Variants in KIF1A observed in about 807,000 individuals in gnomAD.
The protein encoded by KIF1A is kinesin family member 1A.
Under a neutral mutation model 227.3 loss-of-function variants are expected in KIF1A, and 46 were observed. The ratio of observed to expected loss-of-function variants is 0.20; its 90% CI spans 0.16 to 0.26. KIF1A has a LOEUF of 0.26. Among genes scored for constraint, KIF1A ranks in the 10% least tolerant of loss-of-function variants. The probability of loss-of-function intolerance (pLI) is 1.00; values close to 1 mark genes in which losing one functional copy is unlikely to be tolerated. For synonymous variants in KIF1A, 1,022 were observed against 1,012.8 expected, an observed-to-expected ratio of 1.01 and a Z score of -0.17; for missense variants, 1,683 against 2,485.9, an observed-to-expected ratio of 0.68 and a Z score of 6.87.
intron 18 of KIF1A, 21 bp from the exon 19 acceptor site, chr2:240,767,042 C>T: frequency 1.3e-6 from 2 of 1,565,432 alleles, no homozygotes; most frequent in Non-Finnish European, 8.7e-7. Flanking sequence ...GGGGCACCAT[C>T]AGCACGGCAG....
chr2:240,773,002 A>G lies in KIF1A; in HGVS notation c.1180+112T>C, dbSNP rs976033610. ...GAGCGGTGTGGAGCTGCCACAGCCC[A>G]GGGTGCAGCCAGCAAAGTGGTGGCC... On this transcript the variant is annotated intron_variant, in intron 13 of 48. Coordinates refer to ENST00000498729, the MANE Select transcript of KIF1A (RefSeq NM_001244008.2). 1.6e-5 allele frequency: 19 copies of G among 1,186,482 alleles called. No individual in the cohort carries two copies. In the Admixed American group the frequency reaches 2.1e-4, roughly 13 times the overall value. 73.5% of individuals were successfully genotyped at this position (1,186,482 alleles called of 1,614,324 possible).
chr2:240,814,791 C>T (rs1459686805), intron 1 of KIF1A, among the ~76,000 whole-genome samples: 1 of 152,130 alleles, frequency 6.6e-6, no homozygotes, highest in African/African-American at 2.4e-5. Flanking sequence ...GTGATACATG[C>T]CCATAGTCCC....
In KIF1A at chr2:240,787,696, G is replaced by A. The variant is rs76245556; in HGVS notation, c.363+355C>T. On this transcript the variant is annotated intron_variant, in intron 4 of 48. Transcript: ENST00000498729. ...AGCAAATGAGGAGCTGCTGGGTCTGGTGTTTGGCCACCCCTGTCCTGAGCA... is the reference window on the plus strand; with the variant it reads ...AGCAAATGAGGAGCTGCTGGGTCTGATGTTTGGCCACCCCTGTCCTGAGCA... 5.8e-3 allele frequency among the ~76,000 whole-genome samples: 878 copies of A among 152,286 alleles called. 8 individuals are homozygous for A. The highest frequency in any genetic ancestry group is 0.01 in the Middle Eastern group (3 of 294).
In KIF1A at chr2:240,760,850, C is replaced by T; in HGVS notation, c.2266-7G>A. On this transcript the variant is annotated splice_polypyrimidine_tract_variant and splice_region_variant and intron_variant, in intron 24 of 48. Coordinates refer to ENST00000498729, the MANE Select transcript of KIF1A (RefSeq NM_001244008.2). The stretch of plus-strand genomic sequence containing the variant: ...GGACAAACTGGAATTGTACCTGTGA[C>T]AGGGGAAGATGACCACTCGTCAGCT... 11 of 1,604,586 alleles carry T rather than the reference C, an allele frequency of 6.9e-6. No individual in the cohort carries two copies. Among genetic ancestry groups the T allele is most frequent in the Non-Finnish European group, 9.3e-6 (11 of 1,176,638 alleles).
intron 5 of KIF1A, 87 bp from the exon 6 acceptor site, chr2:240,786,600 G>A (rs1368920485): frequency 2.3e-6 from 3 of 1,281,288 alleles, no homozygotes; most frequent in Non-Finnish European, 3.3e-6. Flanking sequence ...GGGGGTAGGG[G>A]TCAACATAAG....
rs1273573220 is a variant in KIF1A, at chr2:240,726,967, A to G, written c.4008-27T>C. The G allele has an allele frequency of 7.0e-7, 1 of 1,423,170 alleles. No homozygotes were observed. The highest frequency in any genetic ancestry group is 1.8e-5 in the Admixed American group (1 of 54,756). The allele number at this position is 1,423,170 out of a possible 1,614,324, so 88.2% of individuals were successfully genotyped here. A position where few individuals can be genotyped will look rare whatever the true frequency, so the allele number is the denominator to read the frequency against. ...TGAAAGGAAGCAGAGACAAAGTAGA[A>G]GTTGATGGCGTGGGGGCTGCTTTCA... On this transcript the variant is annotated intron_variant, in intron 38 of 48. Transcript: ENST00000498729. This position sits in a 1 kb window ranked among gnomAD's most constrained non-coding sequence, Gnocchi z 5.2.
chr2:240,779,718 TCACTCAGTTCCTCACAGTTCCA>T (rs1201138785), intron 10 of KIF1A, among the ~76,000 whole-genome samples: 6 of 148,810 alleles, frequency 4.0e-5, no homozygotes, highest in African/African-American at 1.3e-4. Flanking sequence ...TCACAGTTCC[TCACTCAGTTCCTCACAGTTCCA>T]CACTCAGTTC....
rs373042822 is a variant in KIF1A, at chr2:240,773,230, C to T, written c.1064G>A (p.Arg355His). Residue 355 changes from arginine to histidine, a missense_variant, in exon 13 of 49, where the codon CGC (arginine) becomes CAC (histidine). By Grantham distance (29) the Arg-to-His change is conservative (BLOSUM62 0). Around this residue, in one of 12 missense-constraint regions of KIF1A, gnomAD observed 15 missense variants for 78.3 expected, o/e 0.19. Coordinates refer to ENST00000498729, the MANE Select transcript of KIF1A (RefSeq NM_001244008.2). ...LRYADRAKQI[R>H]CNAVINEDPN... is the part of the protein sequence containing the mutation. Reference sequence around the variant, plus strand: ...GTCCTCATTGATGACAGCATTGCAGCGGATCTGCTTGGCCCGGTCAGCATA... The same window carrying T: ...GTCCTCATTGATGACAGCATTGCAGTGGATCTGCTTGGCCCGGTCAGCATA... The T allele has an allele frequency of 1.2e-4, 186 of 1,613,804 alleles. No homozygotes were observed. Among genetic ancestry groups the T allele is most frequent in the Middle Eastern group, 1.6e-4 (1 of 6,080 alleles).
chr2:240,814,166 G>A (rs2058154648), intron 1 of KIF1A, among the ~76,000 whole-genome samples: 1 of 152,008 alleles, frequency 6.6e-6, no homozygotes, highest in African/African-American at 2.4e-5. Context: ...CGAACAAATA[G>A]AAGTAGAGAC....
Position 240,792,772 on chromosome 2 carries a change from G to A in KIF1A, c.107-3460C>T, listed in dbSNP as rs113824335. On this transcript the variant is annotated intron_variant, in intron 2 of 48. Coordinates refer to ENST00000498729, the MANE Select transcript of KIF1A (RefSeq NM_001244008.2). The surrounding 1 kb of genome is among the most constrained non-coding windows in gnomAD (Gnocchi z 4.5). ...CCTTGTGAAGTGATGAGGATGAGAC[G>A]AAGCCACGAAGTCAGGGACCTCATG... Among the ~76,000 whole-genome samples, 271 of 152,260 alleles carry A rather than the reference G, an allele frequency of 1.8e-3. 2 individuals are homozygous for A. The highest frequency in any genetic ancestry group is 5.3e-3 in the African/African-American group (222 of 41,548).
chr2:240,761,502 G>C (rs2050525975), intron 23 of KIF1A, 125 bp from the exon 24 acceptor site: 1 of 825,940 alleles, frequency 1.2e-6, no homozygotes, highest in Non-Finnish European at 1.7e-6. Context: ...CCTGTGCTCT[G>C]TGTACATCAC....
intron 20 of KIF1A, among the ~76,000 whole-genome samples, chr2:240,763,955 C>T (rs745847840): frequency 2.3e-4 from 35 of 152,182 alleles, no homozygotes; most frequent in Non-Finnish European, 1.3e-4. Flanking sequence ...TCAGTCCAGC[C>T]CCTCCCACCC....
rs781227878 is a variant in KIF1A, at chr2:240,782,602, G to A, written c.870C>T (p.Ser290=). 1.7e-5 allele frequency: 26 copies of A among 1,552,396 alleles called. No individual in the cohort carries two copies. Among genetic ancestry groups the A allele is most frequent in the East Asian group, 4.9e-5 (2 of 41,148 alleles). The change falls in exon 10 of 49, where the codon TCC becomes TCT. Residue 290 remains serine, a synonymous_variant. Transcript: ENST00000498729. ...KVISALAEMD[S]GPNKNKKKKK... ...GGAAGCCGCTTACCTTGTTGGGTCC[G>A]GAGTCCTGAAAAGGAAAAGACAGAG...
At chr2:240,804,078 C>T (rs2057193213) in intron 1 of KIF1A, among the ~76,000 whole-genome samples, 1 of 152,134 alleles carries the variant, frequency 6.6e-6, no homozygotes, top group Admixed American at 6.5e-5. Context: ...CCAGCATGGC[C>T]AAGACGGTGA....
intron 38 of KIF1A, 31 bp downstream of exon 38, chr2:240,737,032 G>T (rs1429971243): frequency 6.5e-7 from 1 of 1,548,664 alleles, no homozygotes; most frequent in Admixed American, 1.7e-5. Flanking sequence ...AACATGCCCT[G>T]GGCCCTGTCT....
Position 240,769,682 on chromosome 2 carries a change from G to A in KIF1A, c.1366C>T (p.Leu456Phe). Residue 456 changes from leucine to phenylalanine, a missense_variant, in exon 16 of 49, where the codon CTC becomes TTC. Transcript: ENST00000498729. ...AGCTTCTCCTCCCAGGTCTCATTGA[G>A]CTCAGCTATGATCTTCTCTGTTTCC... ...LKETEKIIAE[L>F]NETWEEKLRR... 1.9e-6 allele frequency: 3 copies of A among 1,613,546 alleles called. No individual in the cohort carries two copies. Among genetic ancestry groups the A allele is most frequent in the Non-Finnish European group, 2.5e-6 (3 of 1,179,758 alleles).
chr2:240,756,792 C>T (rs558096664), intron 27 of KIF1A, among the ~76,000 whole-genome samples: 10 of 152,332 alleles, frequency 6.6e-5, no homozygotes, highest in South Asian at 4.1e-4. Flanking sequence ...TGAGAGCAGC[C>T]GGGAGCCTCT....
In KIF1A at chr2:240,740,393, G is replaced by A. The variant is rs189458613; in HGVS notation, c.3750-29C>T. 6.9e-6 allele frequency: 11 copies of A among 1,593,842 alleles called. No homozygotes were observed. Among genetic ancestry groups the A allele is most frequent in the South Asian group, 3.3e-5 (3 of 90,642 alleles). On this transcript the variant is annotated intron_variant, in intron 35 of 48. Coordinates refer to ENST00000498729, the MANE Select transcript of KIF1A (RefSeq NM_001244008.2). This position sits in a 1 kb window ranked among gnomAD's most constrained non-coding sequence, Gnocchi z 6.1. The stretch of plus-strand genomic sequence containing the variant: ...GAAGAGAGAGACACATGTGAGGAGC[G>A]GCCAGCCCCTCCTCTCTGCCCTCCC...
rs1011045689 is a variant in KIF1A, at chr2:240,786,461, T to A, written c.482A>T (p.Lys161Met). The change falls in exon 6 of 49, where the codon AAG becomes ATG. Residue 161 changes from lysine (K) to methionine (M), a missense_variant. This residue lies in a region of KIF1A where 75 missense variants were observed against 131.2 expected (regional missense o/e 0.57). Transcript: ENST00000498729. ...CCTCACGCGAAGGTTGCCCTTGTTC[T>A]TGGGGTTCAGGAGGTCACGGACGCG... ...CERVRDLLNP[K>M]NKGNLRVREH... is the part of the protein sequence containing the mutation. 18 of 1,613,488 alleles carry A rather than the reference T, an allele frequency of 1.1e-5. No individual in the cohort carries two copies. The highest frequency in any genetic ancestry group is 1.4e-5 in the Non-Finnish European group (16 of 1,179,792).
Sources: gnomAD v4.1 joint callset for allele counts (sites outside exome capture counted in the v4.1 genomes callset) on GRCh38, gnomAD v4.1.1 for gene constraint, gnomAD v4.1.1 regional missense constraint, Gnocchi (gnomAD v3.1) non-coding constraint, MANE v1.5 for transcripts, NCBI Gene and HGNC (gene_info 2026-07-23, HGNC 2026-07-21) for gene names.